Variants in PPM1H observed in about 807,000 individuals in gnomAD.
PPM1H encodes protein phosphatase 1H.
A neutral mutation model predicts 54.9 loss-of-function variants in PPM1H; 27 were observed. The ratio of observed to expected loss-of-function variants is 0.49; its 90% confidence interval spans 0.36 to 0.68. PPM1H has a LOEUF of 0.68. PPM1H is among the 30% of genes least tolerant of loss of function. PPM1H has a pLI of 0.00. For synonymous variants in PPM1H, 305 were observed against 270.8 expected (o/e 1.13, Z -1.24); for missense variants, 596 against 667.8 (o/e 0.89, Z 1.19).
At chr12:62,788,869 G>A (rs2076688390) in intron 3 of PPM1H, among the ~76,000 whole-genome samples, 1 of 152,038 alleles carries the variant, frequency 6.6e-6, no homozygotes, top group African/African-American at 2.4e-5. Context: ...GGGACCACAG[G>A]TGCGCACCAC....
At chr12:62,649,544 T>C (rs920542991) in intron 9 of PPM1H, among the ~76,000 whole-genome samples, 1 of 152,204 alleles carries the variant, frequency 6.6e-6, no homozygotes, top group Non-Finnish European at 1.5e-5. Context: ...GAGGGAGTCA[T>C]AGTTGACAGC....
At chr12:62,703,005 C>T (rs1315648568) in intron 6 of PPM1H, among the ~76,000 whole-genome samples, 2 of 152,148 alleles carry the variant, frequency 1.3e-5, no homozygotes, top group Non-Finnish European at 2.9e-5. Context: ...AGGATGGTTG[C>T]AAGGATTAAG....
chr12:62,828,099 C>T (rs1868310109), intron 2 of PPM1H, among the ~76,000 whole-genome samples: 1 of 152,184 alleles, frequency 6.6e-6, no homozygotes, highest in East Asian at 1.9e-4. Flanking sequence ...AAGCCCTGTA[C>T]TATCACCATC....
intron 1 of PPM1H, among the ~76,000 whole-genome samples, chr12:62,836,039 C>G (rs1234287969): frequency 2.0e-5 from 3 of 152,214 alleles, no homozygotes; most frequent in African/African-American, 7.2e-5. Flanking sequence ...GGCACCACTC[C>G]ATTGCTGTAT....
chr12:62,868,396 C>G (rs1413723449), intron 1 of PPM1H, among the ~76,000 whole-genome samples: 1 of 152,146 alleles, frequency 6.6e-6, no homozygotes, highest in Non-Finnish European at 1.5e-5. Flanking sequence ...CTCGGCGACT[C>G]AGGCAGAATT....
At chr12:62,897,955 C>T (rs888276808) in intron 1 of PPM1H, among the ~76,000 whole-genome samples, 2 of 152,100 alleles carry the variant, frequency 1.3e-5, no homozygotes, top group African/African-American at 4.8e-5. Flanking sequence ...AAGAAACAGC[C>T]TATCACCAGC....
chr12:62,652,903 G>A (rs1402246161), intron 9 of PPM1H, among the ~76,000 whole-genome samples: 1 of 150,934 alleles, frequency 6.6e-6, no homozygotes, highest in African/African-American at 2.5e-5. Context: ...TACATTTTTA[G>A]TAATTTTTTT....
intron 4 of PPM1H, among the ~76,000 whole-genome samples, chr12:62,742,425 C>T (rs1362019330): frequency 2.6e-5 from 4 of 152,108 alleles, no homozygotes; most frequent in Non-Finnish European, 4.4e-5. Flanking sequence ...ATCTTGGGAT[C>T]AATTTGTCAG....
At chr12:62,888,718 A>G (rs1197933321) in intron 1 of PPM1H, among the ~76,000 whole-genome samples, 1 of 152,204 alleles carries the variant, frequency 6.6e-6, no homozygotes, top group Non-Finnish European at 1.5e-5. Flanking sequence ...AAGTCTGGAT[A>G]AGGGTCGGGG....
intron 4 of PPM1H, among the ~76,000 whole-genome samples, chr12:62,779,818 A>C (rs2076631100): frequency 1.3e-5 from 2 of 152,198 alleles, no homozygotes; most frequent in Non-Finnish European, 2.9e-5. Flanking sequence ...CCCATAACTG[A>C]CAAATATTTG....
rs369907474 is a variant in PPM1H at position 62,645,777 on chromosome 12, A to G, written c.*2712T>C. 6.6e-6 allele frequency: 1 copy of G among 152,198 alleles called. No homozygotes were observed. Among genetic ancestry groups the G allele is most frequent in the Non-Finnish European group, 1.5e-5 (1 of 68,032 alleles). 9.4% of individuals were successfully genotyped at this position (152,198 alleles called of 1,614,324 possible). A position where few individuals can be genotyped will look rare whatever the true frequency, so the allele number is the denominator to read the frequency against. ...TTTTTATTAAACAAGACTTCCTCTG[A>G]GGCTATTCGAGCAAGCAGATTTGGC... On this transcript the variant is annotated 3_prime_UTR_variant, in exon 10 of 10. Coordinates refer to ENST00000228705, the MANE Select transcript of PPM1H (RefSeq NM_020700.2).
intron 2 of PPM1H, among the ~76,000 whole-genome samples, chr12:62,817,894 G>T (rs991416419): frequency 6.6e-6 from 1 of 152,070 alleles, no homozygotes; most frequent in Non-Finnish European, 1.5e-5. Flanking sequence ...CCCTGCTGAT[G>T]GTCTTGGCCG....
At chr12:62,820,972 C>G (rs2076899636) in intron 2 of PPM1H, among the ~76,000 whole-genome samples, 1 of 152,120 alleles carries the variant, frequency 6.6e-6, no homozygotes, top group South Asian at 2.1e-4. Flanking sequence ...ACAAACTTCT[C>G]CAAGCTAAAG....
intron 4 of PPM1H, among the ~76,000 whole-genome samples, chr12:62,753,204 T>C (rs1401711487): frequency 6.6e-6 from 1 of 152,216 alleles, no homozygotes; most frequent in Non-Finnish European, 1.5e-5. Context: ...TGTTCTCTCA[T>C]CTACCTTCTA....
intron 4 of PPM1H, among the ~76,000 whole-genome samples, chr12:62,773,889 AT>A (rs1431683645): frequency 1.3e-5 from 2 of 151,980 alleles, no homozygotes; most frequent in Non-Finnish European, 2.9e-5. Context: ...GCAACTGAAA[AT>A]TTTCTTTATG....
chr12:62,715,933 G>T (rs2076232190), intron 6 of PPM1H, among the ~76,000 whole-genome samples: 1 of 152,170 alleles, frequency 6.6e-6, no homozygotes, highest in Non-Finnish European at 1.5e-5. Flanking sequence ...CAAGACACCA[G>T]TCCTGGTGGA....
intron 1 of PPM1H, among the ~76,000 whole-genome samples, chr12:62,907,067 A>C (rs1327453918): frequency 6.6e-6 from 1 of 152,214 alleles, no homozygotes; most frequent in Non-Finnish European, 1.5e-5. Context: ...ATCACCTCCA[A>C]ATCTTTGGGT....
intron 2 of PPM1H, among the ~76,000 whole-genome samples, chr12:62,814,516 C>A (rs1173557802): frequency 6.6e-6 from 1 of 152,088 alleles, no homozygotes; most frequent in Non-Finnish European, 1.5e-5. Flanking sequence ...CCACACCCTG[C>A]CAAAAAAATT....
chr12:62,792,218 C>T (rs2076704924), intron 3 of PPM1H, among the ~76,000 whole-genome samples: 1 of 152,198 alleles, frequency 6.6e-6, no homozygotes, highest in Non-Finnish European at 1.5e-5. Flanking sequence ...AGGTAAAGAG[C>T]TCAGCACTAA....
Sources: allele counts gnomAD v4.1 joint callset (sites outside exome capture counted in the v4.1 genomes callset), GRCh38; gene constraint gnomAD v4.1.1; transcripts MANE v1.5; gene names NCBI Gene and HGNC (gene_info 2026-07-23, HGNC 2026-07-21).